RBFOX3: variants seen among roughly 807,000 people sequenced by gnomAD.
The protein encoded by RBFOX3 is RNA binding fox-1 homolog 3, also known as RNA binding protein fox-1 homolog 3.
A neutral mutation model predicts 48.7 loss-of-function variants in RBFOX3; 17 were observed. The observed-to-expected ratio is 0.35, with a 90% CI of 0.24 to 0.52. The LOEUF (loss-of-function observed/expected upper bound fraction) is 0.52, where lower values mean the gene tolerates loss of function less well. RBFOX3 is among the 20% of genes least tolerant of loss of function. RBFOX3 has a pLI of 0.94. For synonymous variants in RBFOX3, 212 were observed against 209.5 expected (o/e 1.01, Z -0.10); for missense variants, 382 against 497.5 (o/e 0.77, Z 2.21).
rs533016372 is a variant in RBFOX3 at position 79,186,058 on chromosome 17, T to G, written c.-34+49708A>C. Among the ~76,000 whole-genome samples the G allele has an allele frequency of 2.2e-3, 340 of 152,208 alleles. 6 individuals carry two copies. The highest frequency in any genetic ancestry group is 7.8e-3 in the African/African-American group (323 of 41,524). On this transcript the variant is annotated intron_variant, in intron 4 of 14. Coordinates refer to ENST00000693108, the MANE Select transcript of RBFOX3 (RefSeq NM_001350451.2). ...GTCATTGGCCCAAAGAAAGCCAGGG[T>G]GGTCCCCACTATCTGCATCTGCATC...
chr17:79,292,565 TAC>T (rs201523471), intron 3 of RBFOX3, among the ~76,000 whole-genome samples: 3,604 of 138,352 alleles, frequency 0.026, 60 homozygotes, highest in Middle Eastern at 0.041. Flanking sequence ...GTTGGCACTG[TAC>T]ACACACACAC....
intron 1 of RBFOX3, among the ~76,000 whole-genome samples, chr17:79,592,234 T>C (rs1272202395): frequency 6.9e-6 from 1 of 145,454 alleles, no homozygotes; most frequent in Non-Finnish European, 1.5e-5. Context: ...GTGTGGAGTA[T>C]TGTCGTCTGT....
At chr17:79,141,310 G>A (rs1319533044) in intron 4 of RBFOX3, among the ~76,000 whole-genome samples, 1 of 152,234 alleles carries the variant, frequency 6.6e-6, no homozygotes, top group Non-Finnish European at 1.5e-5. Flanking sequence ...GCAGGACACT[G>A]TTGGGGGCCA....
chr17:79,169,682 C>T (rs534465465), intron 4 of RBFOX3, among the ~76,000 whole-genome samples: 3 of 152,252 alleles, frequency 2.0e-5, no homozygotes, highest in South Asian at 4.2e-4. Context: ...GCAGGAAGGC[C>T]GCACACGGGT....
rs547850573 is a variant in RBFOX3, at chr17:79,383,815, T to C, written c.-174-75991A>G. 2.6e-5 allele frequency among the ~76,000 whole-genome samples: 4 copies of C among 152,214 alleles called. No homozygotes were observed. The South Asian group carries it at 8.3e-4, about 32-fold the overall frequency. On this transcript the variant is annotated intron_variant, in intron 2 of 14. Transcript: ENST00000693108. ...ATCCTGGCACACAACACCCGGGAGATGCTGCTGGAAGAGCAGAAAGAGGCC... is the reference window on the plus strand; with the variant it reads ...ATCCTGGCACACAACACCCGGGAGACGCTGCTGGAAGAGCAGAAAGAGGCC...
intron 4 of RBFOX3, among the ~76,000 whole-genome samples, chr17:79,171,737 C>T (rs1436062773): frequency 9.1e-6 from 1 of 109,966 alleles, no homozygotes; most frequent in Non-Finnish European, 1.7e-5. Flanking sequence ...GCTGGGATTA[C>T]ATGTGTGAGC....
rs960966415 is a variant in RBFOX3 at position 79,576,433 on chromosome 17, A to G, written c.-320+34393T>C. On this transcript the variant is annotated intron_variant, in intron 1 of 14. Transcript: ENST00000693108. ...ATGGAGAAGATGGAGATGATGAAGA[A>G]GACGGAGATGATGGAGAAGGTGGAG... 8.5e-5 allele frequency among the ~76,000 whole-genome samples: 13 copies of G among 152,100 alleles called. No individual in the cohort carries two copies. In the East Asian group the frequency reaches 2.1e-3, roughly 25 times the overall value.
chr17:79,506,445 G>C (rs1488432327), intron 1 of RBFOX3, among the ~76,000 whole-genome samples: 1 of 152,218 alleles, frequency 6.6e-6, no homozygotes, highest in Non-Finnish European at 1.5e-5. Context: ...CTGGGCCAGA[G>C]GCTGCGCTGG....
rs950614299 is a variant in RBFOX3, at chr17:79,299,010, G to A, written c.-74+8714C>T. On this transcript the variant is annotated intron_variant, in intron 3 of 14. Coordinates refer to ENST00000693108, the MANE Select transcript of RBFOX3 (RefSeq NM_001350451.2). The surrounding 1 kb of genome is among the most constrained non-coding windows in gnomAD (Gnocchi z 4.5). ...ATGCAAGGCTGGGAGGCGGGAGGGCGCGAGTCTGTAACTGGAGAGGTTTGT... is the reference window on the plus strand; with the variant it reads ...ATGCAAGGCTGGGAGGCGGGAGGGCACGAGTCTGTAACTGGAGAGGTTTGT... Among the ~76,000 whole-genome samples, 6 of 152,208 alleles carry A rather than the reference G, an allele frequency of 3.9e-5. No homozygotes were observed. Among genetic ancestry groups the A allele is most frequent in the Non-Finnish European group, 7.3e-5 (5 of 68,032 alleles).
chr17:79,140,287 T>G (rs1227760384), intron 4 of RBFOX3, among the ~76,000 whole-genome samples: 1 of 152,228 alleles, frequency 6.6e-6, no homozygotes, highest in Admixed American at 6.5e-5. Context: ...GCTCAGCTCA[T>G]CTCTGAGCCC....
At chr17:79,398,077 G>A (rs1026732566) in intron 2 of RBFOX3, among the ~76,000 whole-genome samples, 27 of 152,278 alleles carry the variant, frequency 1.8e-4, no homozygotes, top group African/African-American at 5.8e-4. Context: ...GGCTCTGGGC[G>A]CCTTGTCGGG....
intron 2 of RBFOX3, among the ~76,000 whole-genome samples, chr17:79,475,557 G>A (rs1555760867): frequency 6.6e-6 from 1 of 152,136 alleles, no homozygotes; most frequent in Non-Finnish European, 1.5e-5. Flanking sequence ...GGCCTTAGTT[G>A]GAAATAAGGT....
intron 3 of RBFOX3, among the ~76,000 whole-genome samples, chr17:79,261,857 G>A (rs2065841034): frequency 6.6e-6 from 1 of 152,194 alleles, no homozygotes; most frequent in African/African-American, 2.4e-5. Context: ...GATGGAACCC[G>A]AAGAGGGGAG....
chr17:79,488,809 C>G (rs2080050325), intron 1 of RBFOX3, among the ~76,000 whole-genome samples: 1 of 152,192 alleles, frequency 6.6e-6, no homozygotes, highest in Non-Finnish European at 1.5e-5. Flanking sequence ...TAAATCACAG[C>G]TGCGCTTTCT....
chr17:79,500,159 C>A (rs928443898), intron 1 of RBFOX3, among the ~76,000 whole-genome samples: 20 of 151,962 alleles, frequency 1.3e-4, no homozygotes, highest in Non-Finnish European at 2.6e-4. Context: ...AGGAGCAGGG[C>A]AACTGAATCA....
intron 4 of RBFOX3, among the ~76,000 whole-genome samples, chr17:79,181,647 G>GGCCACCCTCTGCCACTGCCA (rs2051971434): frequency 6.6e-6 from 1 of 151,440 alleles, no homozygotes; most frequent in African/African-American, 2.4e-5. Context: ...TGCCACTGCC[G>GGCCACCCTCTGCCACTGCCA]GCCACCCTCT....
the RBFOX3 span, among the ~76,000 whole-genome samples, chr17:79,620,485 G>C: frequency 3.1e-5 from 4 of 127,278 alleles, no homozygotes; most frequent in Non-Finnish European, 4.8e-5. Flanking sequence ...ACACACGCAC[G>C]TGCACACACG....
At chr17:79,312,931 A>G (rs933232514) in intron 2 of RBFOX3, among the ~76,000 whole-genome samples, 1 of 152,092 alleles carries the variant, frequency 6.6e-6, no homozygotes, top group African/African-American at 2.4e-5. Flanking sequence ...GGACCGAGGG[A>G]AGCCCTTTCT....
chr17:79,112,920 T>TGGGGGGGGGGGGGG (rs1568152586), intron 5 of RBFOX3, among the ~76,000 whole-genome samples: 1 of 29,522 alleles, frequency 3.4e-5, no homozygotes, highest in African/African-American at 1.4e-4. Context: ...GGGGGTGGGC[T>TGGGGGGGGGGGGGG]GGGTAGGACT....
Sources: allele counts gnomAD v4.1 joint callset (sites outside exome capture counted in the v4.1 genomes callset), GRCh38; gene constraint gnomAD v4.1.1; non-coding constraint Gnocchi (gnomAD v3.1); transcripts MANE v1.5; gene names NCBI Gene and HGNC (gene_info 2026-07-23, HGNC 2026-07-21).